The following TEKT4 variants were observed in gnomAD, a reference collection of about 807,000 sequenced individuals.
The protein encoded by TEKT4 is tektin 4.
Under a neutral mutation model 46.0 loss-of-function variants are expected in TEKT4, and 46 were observed. That is an observed-to-expected ratio of 1.00 (90% CI 0.79 to 1.28). The LOEUF is 1.28. Among genes scored for constraint, TEKT4 ranks in the 50% most tolerant of loss-of-function variants. TEKT4 has a pLI of 0.00. For missense variants in TEKT4, 790 were observed against 622.9 expected (o/e 1.27, Z -2.85); for synonymous variants, 325 against 265.8 (o/e 1.22, Z -2.17).
intron 2 of TEKT4, among the ~76,000 whole-genome samples, 163 bp downstream of exon 2, chr2:94,873,753 G>A (rs1413493853): frequency 5.9e-5 from 9 of 152,184 alleles, no homozygotes; most frequent in Non-Finnish European, 1.3e-4. Flanking sequence ...GCAGCCTGAG[G>A]TTGAGTGGCC....
intron 2 of TEKT4, 77 bp downstream of exon 2, chr2:94,873,667 G>A (rs113646015): frequency 6.4e-7 from 1 of 1,573,180 alleles, no homozygotes; most frequent in South Asian, 1.1e-5. Flanking sequence ...TGAACGACAG[G>A]ACCCTGAGAC....
rs781967013 is a variant in TEKT4 at position 94,874,121 on chromosome 2, T to C, written c.713+13T>C. Reference sequence around the variant, plus strand: ...CCTTCCAAGAGAGGTGGGCCCCAGCTCTGCCCCTGCACTTGCCCTGGCTGT... The same window carrying C: ...CCTTCCAAGAGAGGTGGGCCCCAGCCCTGCCCCTGCACTTGCCCTGGCTGT... On this transcript the variant is annotated intron_variant, in intron 3 of 5. Transcript: ENST00000295201. 6.2e-7 allele frequency: 1 copy of C among 1,612,620 alleles called. No homozygotes were observed. Among genetic ancestry groups the C allele is most frequent in the Non-Finnish European group, 8.5e-7 (1 of 1,179,508 alleles).
rs782315427 is a variant in TEKT4, at chr2:94,875,648, G to T, written c.997G>T (p.Asp333Tyr). The change falls in exon 5 of 6, where the codon GAC becomes TAC. Residue 333 changes from aspartate (D) to tyrosine (Y), a missense_variant. Asp to Tyr is a radical substitution (Grantham distance 160). Coordinates refer to ENST00000295201, the MANE Select transcript of TEKT4 (RefSeq NM_144705.4). ...NVAALKQAIK[D>Y]KEAPLHVAQT... Reference sequence around the variant, plus strand: ...GGCGGCACTGAAGCAGGCCATCAAGGACAAAGAGGCACCTCTGCACGTAGC... The same window carrying T: ...GGCGGCACTGAAGCAGGCCATCAAGTACAAAGAGGCACCTCTGCACGTAGC... 7 of 1,614,058 alleles carry T rather than the reference G, an allele frequency of 4.3e-6. No homozygotes were observed. In the African/African-American group the frequency reaches 9.3e-5, roughly 22 times the overall value.
rs1553396645 is a variant in TEKT4, at chr2:94,876,568, G to T, written c.1107G>T (p.Val369=). ...ACACCCCCAGGCTGTTGAGTGAGGT[G>T]GAGGAGCTGAACATGTCCCTCACAG... The part of the protein sequence containing the change: ...DAAQFRLLSE[V]EELNMSLTAL... Residue 369 remains valine, a synonymous_variant, in exon 6 of 6, where the codon GTG becomes GTT. Transcript: ENST00000295201. 6.2e-7 allele frequency: 1 copy of T among 1,608,612 alleles called. No individual in the cohort carries two copies. Among genetic ancestry groups the T allele is most frequent in the Non-Finnish European group, 8.5e-7 (1 of 1,178,390 alleles).
Position 94,876,536 on chromosome 2 carries a change from C to A in TEKT4, c.1092-17C>A, listed in dbSNP as rs186597741. The A allele has an allele frequency of 5.7e-3, 9,048 of 1,591,308 alleles. 43 individuals carry two copies. The highest frequency in any genetic ancestry group is 6.6e-3 in the Non-Finnish European group (7,734 of 1,170,560). On this transcript the variant is annotated splice_polypyrimidine_tract_variant and intron_variant, in intron 5 of 5. Coordinates refer to ENST00000295201, the MANE Select transcript of TEKT4 (RefSeq NM_144705.4). Reference sequence around the variant, plus strand: ...TGCCCTCCCTAGCCCCGGCTCACACCCCCCCAACACCCCCAGGCTGTTGAG... The same window carrying A: ...TGCCCTCCCTAGCCCCGGCTCACACACCCCCAACACCCCCAGGCTGTTGAG...
At position 94,871,461 on chromosome 2, in the gene TEKT4, G is replaced by A. The variant is rs1251477140; in HGVS notation, c.-119G>A. On this transcript the variant is annotated 5_prime_UTR_variant, in exon 1 of 6. Coordinates refer to ENST00000295201, the MANE Select transcript of TEKT4 (RefSeq NM_144705.4). The stretch of plus-strand genomic sequence containing the variant: ...CACAGTGTCACCCAAGCGACTGGGA[G>A]CCGCGTCCTGCTCTGGGACTGAGCC... 7.7e-7 allele frequency: 1 copy of A among 1,306,532 alleles called. No individual in the cohort carries two copies. Among genetic ancestry groups the A allele is most frequent in the South Asian group, 1.6e-5 (1 of 64,492 alleles). The allele number at this position is 1,306,532 out of a possible 1,614,324, so 80.9% of individuals were successfully genotyped here. A position where few individuals can be genotyped will look rare whatever the true frequency, so the allele number is the denominator to read the frequency against.
intron 1 of TEKT4, 185 bp from the exon 2 acceptor site, chr2:94,873,335 C>T: frequency 1.4e-6 from 2 of 1,448,434 alleles, no homozygotes; most frequent in Non-Finnish European, 1.8e-6. Flanking sequence ...TTACAACGCA[C>T]CAAGGAGAAT....
In TEKT4 at chr2:94,875,662, T is replaced by C; in HGVS notation, c.1011T>C (p.Pro337=). The change falls in exon 5 of 6, where the codon CCT becomes CCC. Residue 337 remains proline (P), a synonymous_variant. Transcript: ENST00000295201. ...LKQAIKDKEA[P]LHVAQTRLYL... The stretch of plus-strand genomic sequence containing the variant: ...AGGCCATCAAGGACAAAGAGGCACC[T>C]CTGCACGTAGCCCAGACCCGGCTGT... 6.2e-7 allele frequency: 1 copy of C among 1,614,164 alleles called. No homozygotes were observed. The highest frequency in any genetic ancestry group is 1.3e-5 in the African/African-American group (1 of 75,058).
In TEKT4 at chr2:94,875,616, A is replaced by T. The variant is rs1300878409; in HGVS notation, c.965A>T (p.His322Leu). 4 of 1,614,038 alleles carry T rather than the reference A, an allele frequency of 2.5e-6. No individual in the cohort carries two copies. Among genetic ancestry groups the T allele is most frequent in the African/African-American group, 1.3e-5 (1 of 74,926 alleles). ...CTGCGGGAAATCACAGATCAGGAAC[A>T]CAACGTGGCGGCACTGAAGCAGGCC... ...KTLREITDQE[H>L]NVAALKQAIK... is the part of the protein sequence containing the mutation. Residue 322 changes from histidine (H) to leucine (L), a missense_variant, in exon 5 of 6, where the codon CAC (histidine) becomes CTC (leucine). His to Leu is a moderately conservative substitution (Grantham distance 99, BLOSUM62 -3). Coordinates refer to ENST00000295201, the MANE Select transcript of TEKT4 (RefSeq NM_144705.4).
chr2:94,873,118 G>C, intron 1 of TEKT4: 1 of 1,236,866 alleles, frequency 8.1e-7, no homozygotes, highest in Non-Finnish European at 1.0e-6. Flanking sequence ...GCCTTTCCCA[G>C]CACAGAGCCC....
At chr2:94,872,687 C>A in intron 1 of TEKT4, 1 of 583,866 alleles carries the variant, frequency 1.7e-6, no homozygotes, top group Non-Finnish European at 2.7e-6. Flanking sequence ...CCACTACAGG[C>A]CTGTAGACAT....
intron 5 of TEKT4, among the ~76,000 whole-genome samples, chr2:94,876,235 T>C (rs1680847329): frequency 6.6e-6 from 1 of 152,132 alleles, no homozygotes; most frequent in Admixed American, 6.5e-5. Flanking sequence ...GCCCCTCAGT[T>C]CCTTCAAGGA....
intron 1 of TEKT4, 69 bp from the exon 2 acceptor site, chr2:94,873,451 G>A: frequency 6.2e-7 from 1 of 1,609,266 alleles, no homozygotes; most frequent in Non-Finnish European, 8.5e-7. Context: ...ACCAAGGCCT[G>A]CAGCAGCTGG....
chr2:94,875,810 TA>T, intron 5 of TEKT4, 68 bp downstream of exon 5: 1 of 1,520,006 alleles, frequency 6.6e-7, no homozygotes, highest in Non-Finnish European at 9.0e-7. Flanking sequence ...CTCTCTCCAA[TA>T]AACACTCCAA....
rs781868809 is a variant in TEKT4, at chr2:94,874,786, C to T, written c.724C>T (p.Pro242Ser). 6.3e-7 allele frequency: 1 copy of T among 1,582,208 alleles called. No individual in the cohort carries two copies. The highest frequency in any genetic ancestry group is 8.6e-7 in the Non-Finnish European group (1 of 1,166,716). ...STTFQESAST[P>S]ETRAKFTQDN... ...TCCCCCGCCCCGCAGCGCCTCCACCCCGGAGACCCGGGCCAAGTTCACGCA... is the reference window on the plus strand; with the variant it reads ...TCCCCCGCCCCGCAGCGCCTCCACCTCGGAGACCCGGGCCAAGTTCACGCA... The change falls in exon 4 of 6, where the codon CCG becomes TCG. Residue 242 changes from proline (P) to serine (S), a missense_variant. By Grantham distance (74) the Pro-to-Ser change is moderately conservative. Coordinates refer to ENST00000295201, the MANE Select transcript of TEKT4 (RefSeq NM_144705.4).
Position 94,874,930 on chromosome 2 carries a change from C to G in TEKT4, c.868C>G (p.Leu290Val). 1 of 1,612,308 alleles carries G rather than the reference C, an allele frequency of 6.2e-7. No individual in the cohort carries two copies. The highest frequency in any genetic ancestry group is 8.5e-7 in the Non-Finnish European group (1 of 1,179,686). Residue 290 changes from leucine to valine, a missense_variant, in exon 4 of 6, where the codon CTG becomes GTG. Coordinates refer to ENST00000295201, the MANE Select transcript of TEKT4 (RefSeq NM_144705.4). Reference sequence around the variant, plus strand: ...GCGGCTCCAGTGCGACGCCGTGAACCTGGCCTTCGGGCGCCGCTGTGAGGA... The same window carrying G: ...GCGGCTCCAGTGCGACGCCGTGAACGTGGCCTTCGGGCGCCGCTGTGAGGA... ...DLRLQCDAVNLAFGRRCEELE... is the reference protein window; with the variant it reads ...DLRLQCDAVNVAFGRRCEELE...
chr2:94,872,152 C>A, intron 1 of TEKT4, 75 bp downstream of exon 1: 1 of 1,457,348 alleles, frequency 6.9e-7, no homozygotes. Flanking sequence ...TTCATGTGGA[C>A]AAGCCACGTG....
chr2:94,872,166 G>T, intron 1 of TEKT4, 89 bp downstream of exon 1: 1 of 1,442,274 alleles, frequency 6.9e-7, no homozygotes, highest in South Asian at 1.4e-5. Context: ...CCACGTGGCT[G>T]CTGCAAGCAC....
At position 94,875,649 on chromosome 2, in the gene TEKT4, A is replaced by T. The variant is rs1558608864; in HGVS notation, c.998A>T (p.Asp333Val). 6.2e-7 allele frequency: 1 copy of T among 1,614,166 alleles called. No homozygotes were observed. The highest frequency in any genetic ancestry group is 8.5e-7 in the Non-Finnish European group (1 of 1,180,008). Residue 333 changes from aspartate (D) to valine (V), a missense_variant, in exon 5 of 6, where the codon GAC (aspartate) becomes GTC (valine). Physicochemically the swap from Asp to Val is radical, Grantham distance 152. Transcript: ENST00000295201. ...NVAALKQAIK[D>V]KEAPLHVAQT... ...GCGGCACTGAAGCAGGCCATCAAGG[A>T]CAAAGAGGCACCTCTGCACGTAGCC...
Sources: gnomAD v4.1 joint callset for allele counts (sites outside exome capture counted in the v4.1 genomes callset) on GRCh38, gnomAD v4.1.1 for gene constraint, MANE v1.5 for transcripts, NCBI Gene and HGNC (gene_info 2026-07-23, HGNC 2026-07-21) for gene names.